ACOXL: variants seen among roughly 807,000 people sequenced by gnomAD.
ACOXL encodes acyl-CoA oxidase like, also known as acyl-coenzyme A oxidase-like protein.
ACOXL carries 70 observed loss-of-function variants against 71.9 expected under a neutral mutation model. The observed-to-expected ratio is 0.97, with a 90% confidence interval of 0.80 to 1.19. The LOEUF (loss-of-function observed/expected upper bound fraction) is 1.19, where lower values mean the gene tolerates loss of function less well. Ranked by LOEUF, ACOXL falls within the 50% of genes most tolerant of loss-of-function variation. ACOXL has a pLI of 0.00. For missense variants in ACOXL, 703 were observed against 736.3 expected, an observed-to-expected ratio of 0.95 and a Z score of 0.52; for synonymous variants, 253 against 281.6, an observed-to-expected ratio of 0.90 and a Z score of 1.02.
At chr2:111,116,699 C>T (rs1837369) in intron 17 of ACOXL, among the ~76,000 whole-genome samples, 64,910 of 151,722 alleles carry the variant, frequency 0.43, 14,369 homozygotes, top group Non-Finnish European at 0.48. Context: ...TACCACTGGC[C>T]GAAAACTTGA....
intron 10 of ACOXL, among the ~76,000 whole-genome samples, chr2:110,860,183 T>C (rs1693770593): frequency 6.6e-6 from 1 of 152,212 alleles, no homozygotes; most frequent in East Asian, 1.9e-4. Context: ...CCATCTCAGC[T>C]CACTGCAACC....
intron 1 of ACOXL, among the ~76,000 whole-genome samples, chr2:110,745,970 A>T (rs1369522077): frequency 6.6e-6 from 1 of 152,118 alleles, no homozygotes; most frequent in Non-Finnish European, 1.5e-5. Context: ...GTTAGTGTGT[A>T]TCATTTTTAT....
intron 10 of ACOXL, among the ~76,000 whole-genome samples, chr2:110,861,569 C>G (rs1319073323): frequency 6.6e-6 from 1 of 151,662 alleles, no homozygotes; most frequent in Non-Finnish European, 1.5e-5. Flanking sequence ...CAAAATCTAA[C>G]CCCGGCTATG....
At chr2:110,940,101 A>G (rs1316684346) in intron 12 of ACOXL, among the ~76,000 whole-genome samples, 2 of 152,252 alleles carry the variant, frequency 1.3e-5, no homozygotes, top group African/African-American at 2.4e-5. Context: ...AAATTGAAAA[A>G]AGGAATTTTA....
chr2:110,780,311 A>T (rs1036856962), intron 2 of ACOXL, among the ~76,000 whole-genome samples: 26 of 152,244 alleles, frequency 1.7e-4, no homozygotes, highest in African/African-American at 6.0e-4. Flanking sequence ...CAATGCTGGT[A>T]GGATGTGGAG....
At chr2:110,839,039 T>C (rs1411428888) in intron 9 of ACOXL, among the ~76,000 whole-genome samples, 1 of 152,238 alleles carries the variant, frequency 6.6e-6, no homozygotes, top group Non-Finnish European at 1.5e-5. Flanking sequence ...AGGAAAAGAC[T>C]CATAAAAACA....
chr2:110,855,022 G>A (rs2148949482), intron 10 of ACOXL, among the ~76,000 whole-genome samples: 1 of 152,304 alleles, frequency 6.6e-6, no homozygotes, highest in East Asian at 1.9e-4. Context: ...AAACCTTTGA[G>A]AGTCTTCTTT....
chr2:111,093,004 C>T (rs772315275), intron 17 of ACOXL, 38 bp downstream of exon 17: 1 of 1,508,144 alleles, frequency 6.6e-7, no homozygotes, highest in South Asian at 1.2e-5. Flanking sequence ...CTTTGTACAT[C>T]AGCCCTGGTC....
chr2:111,080,000 T>A (rs1230728354), intron 16 of ACOXL, among the ~76,000 whole-genome samples: 1 of 152,224 alleles, frequency 6.6e-6, no homozygotes, highest in Non-Finnish European at 1.5e-5. Context: ...ATTTTCTAGT[T>A]TATTTGCATA....
chr2:110,990,536 A>G (rs7598867), intron 13 of ACOXL, among the ~76,000 whole-genome samples: 68,828 of 151,992 alleles, frequency 0.45, 15,822 homozygotes, highest in Middle Eastern at 0.53. Context: ...AGGACCACCA[A>G]CACAATTTGA....
At chr2:110,929,058 G>A (rs114845679) in intron 11 of ACOXL, among the ~76,000 whole-genome samples, 3,297 of 152,266 alleles carry the variant, frequency 0.022, 141 homozygotes, top group African/African-American at 0.077. Flanking sequence ...GTCCCAGTAG[G>A]GTGTTGTGCT....
At chr2:110,908,748 C>T in intron 10 of ACOXL, 41 bp from the exon 11 acceptor site, 1 of 1,533,176 alleles carries the variant, frequency 6.5e-7, no homozygotes, top group East Asian at 2.3e-5. Context: ...ACCTCCCGCT[C>T]CTGGATTTTG....
intron 10 of ACOXL, among the ~76,000 whole-genome samples, chr2:110,843,033 C>T (rs562805192): frequency 4.6e-5 from 7 of 152,306 alleles, no homozygotes; most frequent in East Asian, 3.9e-4. Context: ...GGTGCGCACA[C>T]GGACCCCTAA....
chr2:110,950,810 G>GGAGAGAGAGAGAGAGA (rs71383892), intron 12 of ACOXL, among the ~76,000 whole-genome samples: 2,346 of 142,684 alleles, frequency 0.016, 59 homozygotes, highest in African/African-American at 0.048. Context: ...GGTGGGGGGT[G>GGAGAGAGAGAGAGAGA]GAGAGAGAGA....
chr2:110,898,520 A>G (rs2059105303), intron 10 of ACOXL, among the ~76,000 whole-genome samples: 1 of 152,348 alleles, frequency 6.6e-6, no homozygotes, highest in African/African-American at 2.4e-5. Context: ...TACAGAAAAA[A>G]GTGTTTGAAA....
chr2:110,805,136 A>T (rs2105360287), intron 8 of ACOXL, 127 bp from the exon 9 acceptor site: 1 of 1,280,766 alleles, frequency 7.8e-7, no homozygotes, highest in East Asian at 2.3e-5. Context: ...GCTCTGTCTC[A>T]AGGGGGAAGT....
At chr2:110,825,428 A>C (rs1689058160) in intron 9 of ACOXL, among the ~76,000 whole-genome samples, 1 of 152,038 alleles carries the variant, frequency 6.6e-6, no homozygotes, top group Admixed American at 6.6e-5. Flanking sequence ...TAGAATCCTC[A>C]GTAGTCATTT....
chr2:110,986,925 T>C (rs539847630), intron 12 of ACOXL, among the ~76,000 whole-genome samples, 183 bp from the exon 13 acceptor site: 66 of 152,250 alleles, frequency 4.3e-4, no homozygotes, highest in African/African-American at 1.6e-3. Flanking sequence ...GGATGGGGGA[T>C]GGTGTGATAA....
intron 16 of ACOXL, among the ~76,000 whole-genome samples, chr2:111,056,197 CT>C: frequency 1.1e-5 from 1 of 91,530 alleles, no homozygotes; most frequent in African/African-American, 5.1e-5. Flanking sequence ...AAGACCCCAA[CT>C]TTAAAAAAAA....
Sources: allele counts gnomAD v4.1 joint callset (sites outside exome capture counted in the v4.1 genomes callset), GRCh38; gene constraint gnomAD v4.1.1; transcripts MANE v1.5; gene names NCBI Gene and HGNC (gene_info 2026-07-23, HGNC 2026-07-21).